Variants in KCNIP4 observed in about 807,000 individuals in gnomAD.
KCNIP4 encodes the protein Kv channel-interacting protein 4.
A neutral mutation model predicts 34.0 loss-of-function variants in KCNIP4; 12 were observed. The ratio of observed to expected loss-of-function variants is 0.35; its 90% CI spans 0.23 to 0.57. The LOEUF is 0.57. KCNIP4 is among the 20% of genes least tolerant of loss of function. KCNIP4 has a pLI of 0.83. For missense variants in KCNIP4, 238 were observed against 311.7 expected (o/e 0.76, Z 1.78); for synonymous variants, 124 against 102.2 (o/e 1.21, Z -1.29).
intron 1 of KCNIP4, among the ~76,000 whole-genome samples, chr4:20,899,043 G>T (rs1459615837): frequency 6.6e-6 from 1 of 152,152 alleles, no homozygotes; most frequent in Non-Finnish European, 1.5e-5. Flanking sequence ...ATTCTTGGCA[G>T]TTAAACAATA....
At chr4:20,965,333 A>G (rs2149667229) in intron 1 of KCNIP4, among the ~76,000 whole-genome samples, 1 of 152,294 alleles carries the variant, frequency 6.6e-6, no homozygotes, top group African/African-American at 2.4e-5. Flanking sequence ...AGCCAAGTCC[A>G]TGACTGAAGA....
At chr4:21,558,221 G>C (rs553578032) in intron 1 of KCNIP4, among the ~76,000 whole-genome samples, 6 of 152,276 alleles carry the variant, frequency 3.9e-5, no homozygotes, top group African/African-American at 1.4e-4. Context: ...ACCTGGTGCA[G>C]TGGCTCACGC....
At chr4:21,133,723 C>A (rs1223683086) in intron 1 of KCNIP4, among the ~76,000 whole-genome samples, 1 of 152,120 alleles carries the variant, frequency 6.6e-6, no homozygotes, top group African/African-American at 2.4e-5. Context: ...TCTGATTCTG[C>A]CATAATTTCT....
intron 1 of KCNIP4, among the ~76,000 whole-genome samples, chr4:20,966,326 C>G (rs182487199): frequency 6.6e-6 from 1 of 152,148 alleles, no homozygotes; most frequent in Non-Finnish European, 1.5e-5. Flanking sequence ...CATTTGCTGA[C>G]GTATAAAGTC....
chr4:21,121,132 G>C (rs916509458), intron 1 of KCNIP4, among the ~76,000 whole-genome samples: 2 of 152,130 alleles, frequency 1.3e-5, no homozygotes, highest in African/African-American at 2.4e-5. Context: ...AAACCGGCTG[G>C]GCAAGGCAGG....
chr4:21,339,079 G>C (rs895850347), intron 1 of KCNIP4, among the ~76,000 whole-genome samples: 1 of 152,152 alleles, frequency 6.6e-6, no homozygotes, highest in Non-Finnish European at 1.5e-5. Flanking sequence ...TTCCTACCAG[G>C]ATCCACAATG....
intron 1 of KCNIP4, among the ~76,000 whole-genome samples, chr4:21,672,266 G>T (rs1334238589): frequency 1.3e-5 from 2 of 152,108 alleles, no homozygotes; most frequent in African/African-American, 4.8e-5. Flanking sequence ...ATGCACCCCA[G>T]AACTTAAAAT....
chr4:21,922,358 C>A (rs73117909), intron 1 of KCNIP4, among the ~76,000 whole-genome samples: 1,729 of 152,250 alleles, frequency 0.011, 28 homozygotes, highest in African/African-American at 0.04. Flanking sequence ...TGCTGTGTGC[C>A]TGTTTCCTAG....
intron 3 of KCNIP4, among the ~76,000 whole-genome samples, chr4:20,823,209 T>A (rs1430099135): frequency 6.6e-6 from 1 of 152,166 alleles, no homozygotes; most frequent in Non-Finnish European, 1.5e-5. Context: ...GGATACTATG[T>A]CCTGTATGAC....
chr4:21,177,358 C>A (rs945114141), intron 1 of KCNIP4, among the ~76,000 whole-genome samples: 1 of 152,008 alleles, frequency 6.6e-6, no homozygotes, highest in Non-Finnish European at 1.5e-5. Context: ...CTTACCAAAC[C>A]ATATATTACA....
intron 1 of KCNIP4, among the ~76,000 whole-genome samples, chr4:21,415,823 G>T (rs2109606338): frequency 6.6e-6 from 1 of 152,304 alleles, no homozygotes; most frequent in African/African-American, 2.4e-5. Flanking sequence ...CCTGGATGGA[G>T]CACCTGGTGT....
chr4:20,795,116 C>T (rs1713279896), intron 3 of KCNIP4, among the ~76,000 whole-genome samples: 1 of 152,064 alleles, frequency 6.6e-6, no homozygotes, highest in South Asian at 2.1e-4. Flanking sequence ...AAAGAAAAAA[C>T]AATTTCTTTC....
chr4:21,198,743 A>C (rs1300868284), intron 1 of KCNIP4, among the ~76,000 whole-genome samples: 1 of 152,084 alleles, frequency 6.6e-6, no homozygotes, highest in Non-Finnish European at 1.5e-5. Context: ...GGTCAACCCC[A>C]CTGTTATATC....
intron 1 of KCNIP4, among the ~76,000 whole-genome samples, chr4:21,904,091 TGG>T (rs2108972035): frequency 6.6e-6 from 1 of 152,236 alleles, no homozygotes; most frequent in Non-Finnish European, 1.5e-5. Context: ...GAAAGGGCCA[TGG>T]GTAGTCCAAA....
chr4:21,635,910 C>G (rs1176599993), intron 1 of KCNIP4, among the ~76,000 whole-genome samples: 2 of 151,558 alleles, frequency 1.3e-5, no homozygotes, highest in Non-Finnish European at 2.9e-5. Context: ...CAATGATAGA[C>G]TGGATTAAGA....
chr4:21,183,048 T>C (rs1754959109), intron 1 of KCNIP4, among the ~76,000 whole-genome samples: 1 of 152,150 alleles, frequency 6.6e-6, no homozygotes, highest in Non-Finnish European at 1.5e-5. Flanking sequence ...ACCGTTTTAC[T>C]TTCTACTTCT....
intron 1 of KCNIP4, among the ~76,000 whole-genome samples, chr4:21,362,116 G>C (rs113592338): frequency 2.6e-5 from 4 of 152,232 alleles, no homozygotes; most frequent in African/African-American, 9.6e-5. Context: ...TGCACAATTC[G>C]AGGAAATAGT....
intron 1 of KCNIP4, among the ~76,000 whole-genome samples, chr4:21,690,115 TTA>T (rs946528893): frequency 1.4e-5 from 2 of 146,888 alleles, no homozygotes; most frequent in African/African-American, 2.5e-5. Context: ...TATACATATA[TTA>T]TATATATATT....
intron 1 of KCNIP4, among the ~76,000 whole-genome samples, chr4:21,336,554 A>T (rs1157766078): frequency 3.3e-5 from 5 of 152,148 alleles, no homozygotes; most frequent in Admixed American, 2.6e-4. Context: ...TGCCAATTTG[A>T]TTCTTAAATA....
Sources: gnomAD v4.1 joint callset for allele counts (sites outside exome capture counted in the v4.1 genomes callset) on GRCh38, gnomAD v4.1.1 for gene constraint, MANE v1.5 for transcripts, NCBI Gene and HGNC (gene_info 2026-07-23, HGNC 2026-07-21) for gene names.